The following PLCB1 variants were observed in gnomAD, a reference collection of about 807,000 sequenced individuals.
PLCB1 encodes the protein phospholipase C beta 1, also known as 1-phosphatidylinositol 4,5-bisphosphate phosphodiesterase beta-1.
In PLCB1, 46 loss-of-function variants were observed where a neutral mutation model predicts 161.8. The ratio of observed to expected loss-of-function variants is 0.28; its 90% confidence interval spans 0.22 to 0.36. The LOEUF (loss-of-function observed/expected upper bound fraction) is 0.36, where lower values mean the gene tolerates loss of function less well. Among genes scored for constraint, PLCB1 ranks in the 10% least tolerant of loss-of-function variants. The pLI, the probability that PLCB1 is intolerant of heterozygous loss-of-function variation, is 1.00. For missense variants in PLCB1, 1,016 were observed against 1,472.5 expected (o/e 0.69, Z 5.07); for synonymous variants, 517 against 503.7 (o/e 1.03, Z -0.35).
intron 4 of PLCB1, among the ~76,000 whole-genome samples, chr20:8,630,593 A>C (rs575503641): frequency 1.3e-5 from 2 of 152,196 alleles, no homozygotes; most frequent in Admixed American, 1.3e-4. Flanking sequence ...GCTGTATATG[A>C]ATGGATAGTT....
At chr20:8,345,515 C>G (rs186548166) in intron 2 of PLCB1, among the ~76,000 whole-genome samples, 1 of 152,296 alleles carries the variant, frequency 6.6e-6, no homozygotes, top group Non-Finnish European at 1.5e-5. Flanking sequence ...AGTTGCCTGG[C>G]CAAACCCTCT....
Position 8,460,699 on chromosome 20 carries a change from C to G in PLCB1, c.246+89249C>G, listed in dbSNP as rs548570175. On this transcript the variant is annotated intron_variant, in intron 3 of 31. Coordinates refer to ENST00000338037, the MANE Select transcript of PLCB1 (RefSeq NM_015192.4). ...TGTTTCCCTCACTCACCCACTAGCC[C>G]ACATATTCACATATTTTACTTGGTT... Among the ~76,000 whole-genome samples the G allele has an allele frequency of 3.9e-5, 6 of 152,198 alleles. No individual in the cohort carries two copies. In the South Asian group the frequency reaches 1.2e-3, roughly 31 times the overall value.
chr20:8,466,575 T>C (rs974312910), intron 3 of PLCB1, among the ~76,000 whole-genome samples: 1 of 152,074 alleles, frequency 6.6e-6, no homozygotes, highest in Non-Finnish European at 1.5e-5. Flanking sequence ...CACAACAAAA[T>C]ACTAACAATT....
chr20:8,727,163 A>G (rs1485243182), intron 16 of PLCB1, 146 bp from the exon 17 acceptor site: 1 of 551,512 alleles, frequency 1.8e-6, no homozygotes, highest in African/African-American at 1.9e-5. Flanking sequence ...CACTAGAAAA[A>G]AAAATTAAAT....
At chr20:8,221,935 C>T (rs1246831538) in intron 2 of PLCB1, among the ~76,000 whole-genome samples, 1 of 152,156 alleles carries the variant, frequency 6.6e-6, no homozygotes, top group East Asian at 1.9e-4. Context: ...TTTCACTTTC[C>T]ATTATTTTTC....
At chr20:8,672,829 C>T (rs1342304984) in intron 9 of PLCB1, among the ~76,000 whole-genome samples, 2 of 152,004 alleles carry the variant, frequency 1.3e-5, no homozygotes, top group African/African-American at 2.4e-5. Context: ...AAGTTACATT[C>T]AGCTGGGCAC....
At chr20:8,421,215 C>T (rs866455339) in intron 3 of PLCB1, among the ~76,000 whole-genome samples, 3 of 152,128 alleles carry the variant, frequency 2.0e-5, no homozygotes, top group African/African-American at 7.2e-5. Context: ...TTTGTATGTA[C>T]CCACTTCTCC....
intron 27 of PLCB1, among the ~76,000 whole-genome samples, chr20:8,786,852 C>T (rs145356965): frequency 6.6e-6 from 1 of 151,426 alleles, no homozygotes. Flanking sequence ...TACAGGCACC[C>T]ACCACCAGGC....
chr20:8,649,606 C>G lies in PLCB1; in HGVS notation c.594+157C>G, dbSNP rs6055975. 152,228 of 601,008 alleles carry G rather than the reference C, an allele frequency of 0.25. 22,517 individuals are homozygous for G. Among genetic ancestry groups the G allele is most frequent in the African/African-American group, 0.51 (27,601 of 54,108 alleles). The allele number at this position is 601,008 out of a possible 1,614,324, so 37.2% of individuals were successfully genotyped here. On this transcript the variant is annotated intron_variant, in intron 7 of 31. Coordinates refer to ENST00000338037, the MANE Select transcript of PLCB1 (RefSeq NM_015192.4). Reference sequence around the variant, plus strand: ...GGTTAATGAATTAATGGATTATCATCGGAGAGGAACTGGTGGCTTTATAAG... The same window carrying G: ...GGTTAATGAATTAATGGATTATCATGGGAGAGGAACTGGTGGCTTTATAAG...
intron 2 of PLCB1, among the ~76,000 whole-genome samples, chr20:8,293,254 A>C (rs1983466178): frequency 6.6e-6 from 1 of 152,018 alleles, no homozygotes. Flanking sequence ...CACTTTATTC[A>C]TTTTCAAGAA....
chr20:8,848,169 CTT>C (rs1986755385), intron 31 of PLCB1, among the ~76,000 whole-genome samples: 1 of 152,130 alleles, frequency 6.6e-6, no homozygotes, highest in African/African-American at 2.4e-5. Context: ...AGTTTCAACA[CTT>C]TAACTCTAGA....
At chr20:8,673,875 C>T (rs1990009777) in intron 9 of PLCB1, among the ~76,000 whole-genome samples, 1 of 152,172 alleles carries the variant, frequency 6.6e-6, no homozygotes, top group Admixed American at 6.5e-5. Context: ...AGAAACACTG[C>T]CTGTCTGCTG....
chr20:8,366,501 A>G (rs1986715022), intron 2 of PLCB1, among the ~76,000 whole-genome samples: 1 of 152,244 alleles, frequency 6.6e-6, no homozygotes, highest in Non-Finnish European at 1.5e-5. Flanking sequence ...TAAACACTGT[A>G]CAAACAGAGA....
chr20:8,386,971 A>G (rs1453969764), intron 3 of PLCB1, among the ~76,000 whole-genome samples: 1 of 152,174 alleles, frequency 6.6e-6, no homozygotes, highest in Middle Eastern at 3.2e-3. Context: ...AGGACTGAAG[A>G]GAGTTAGGGC....
chr20:8,877,837 A>G (rs3848837), intron 31 of PLCB1, among the ~76,000 whole-genome samples: 54,630 of 152,138 alleles, frequency 0.36, 10,069 homozygotes, highest in South Asian at 0.53. Context: ...AGTGAAATAT[A>G]TGGCACTTAA....
intron 2 of PLCB1, among the ~76,000 whole-genome samples, chr20:8,227,762 G>A (rs890869533): frequency 6.6e-6 from 1 of 152,102 alleles, no homozygotes; most frequent in Non-Finnish European, 1.5e-5. Context: ...ACTGAAGCTC[G>A]GGAATGGTCA....
At chr20:8,231,218 A>G (rs749199049) in intron 2 of PLCB1, among the ~76,000 whole-genome samples, 3 of 152,144 alleles carry the variant, frequency 2.0e-5, no homozygotes, top group Non-Finnish European at 4.4e-5. Context: ...CTCTCCATTT[A>G]GATCAGCATT....
rs1311685288 is a variant in PLCB1 at position 8,540,168 on chromosome 20, CTTTTT to C, written c.247-88122_247-88118del. Among the ~76,000 whole-genome samples, 4 of 152,134 alleles carry C rather than the reference CTTTTT, an allele frequency of 2.6e-5. No individual in the cohort carries two copies. The East Asian group carries it at 7.7e-4, about 29-fold the overall frequency. The stretch of plus-strand genomic sequence containing the variant: ...TAAAGAAAAAAGAAAGTTTGCATCA[CTTTTT>C]TTTCATTTATCTGGAAAATTTATTT... On this transcript the variant is annotated intron_variant, in intron 3 of 31. Transcript: ENST00000338037.
At chr20:8,367,761 C>A (rs757236692) in intron 2 of PLCB1, among the ~76,000 whole-genome samples, 1 of 152,094 alleles carries the variant, frequency 6.6e-6, no homozygotes, top group African/African-American at 2.4e-5. Context: ...ACTATTGTCA[C>A]GAGAAAATTA....
Sources: gnomAD v4.1 joint callset for allele counts (sites outside exome capture counted in the v4.1 genomes callset) on GRCh38, gnomAD v4.1.1 for gene constraint, MANE v1.5 for transcripts, NCBI Gene and HGNC (gene_info 2026-07-23, HGNC 2026-07-21) for gene names.